The following PLPPR5 variants were observed in gnomAD, a reference collection of about 807,000 sequenced individuals.
The protein encoded by PLPPR5 is phospholipid phosphatase related 5.
PLPPR5 carries 16 observed loss-of-function variants against 33.9 expected under a neutral mutation model. That is an observed-to-expected ratio of 0.47 (90% CI 0.32 to 0.72). The LOEUF (loss-of-function observed/expected upper bound fraction) is 0.72, where lower values mean the gene tolerates loss of function less well. Among genes scored for constraint, PLPPR5 ranks in the 30% least tolerant of loss-of-function variants. PLPPR5 has a pLI of 0.03. For missense variants in PLPPR5, 301 were observed against 406.7 expected (o/e 0.74, Z 2.23); for synonymous variants, 163 against 150.3 (o/e 1.08, Z -0.62).
intron 5 of PLPPR5, 140 bp downstream of exon 5, chr1:98,914,646 T>C (rs947891257): frequency 1.4e-6 from 1 of 718,040 alleles, no homozygotes; most frequent in Non-Finnish European, 2.1e-6. Flanking sequence ...ATTATCTCTT[T>C]AGTGGCTAAA....
intron 5 of PLPPR5, among the ~76,000 whole-genome samples, chr1:98,905,642 A>C: frequency 6.6e-6 from 1 of 152,152 alleles, no homozygotes; most frequent in Admixed American, 6.6e-5. Context: ...TTCTACTTAA[A>C]TTTTATAGTT....
At chr1:98,940,918 GAC>G (rs1184499251) in intron 3 of PLPPR5, among the ~76,000 whole-genome samples, 2 of 151,850 alleles carry the variant, frequency 1.3e-5, no homozygotes, top group Non-Finnish European at 2.9e-5. Flanking sequence ...CAAATCAGAA[GAC>G]ACAAAAGCAG....
At chr1:98,922,107 A>T in intron 3 of PLPPR5, 49 bp from the exon 4 acceptor site, 1 of 1,537,870 alleles carries the variant, frequency 6.5e-7, no homozygotes, top group Non-Finnish European at 9.0e-7. Flanking sequence ...TATTTCCTTT[A>T]TTAGCATAGC....
At chr1:98,991,564 C>T (rs1652452343) in intron 1 of PLPPR5, among the ~76,000 whole-genome samples, 2 of 152,116 alleles carry the variant, frequency 1.3e-5, no homozygotes, top group African/African-American at 4.8e-5. Flanking sequence ...GGCTCATGTC[C>T]ATGTTATATG....
At chr1:98,980,107 C>A (rs1013388569) in intron 1 of PLPPR5, among the ~76,000 whole-genome samples, 1 of 152,052 alleles carries the variant, frequency 6.6e-6, no homozygotes, top group African/African-American at 2.4e-5. Context: ...ATGCTCTAGA[C>A]CCTTTTTCTC....
chr1:98,974,247 C>T (rs973212443), intron 1 of PLPPR5, among the ~76,000 whole-genome samples: 31 of 152,066 alleles, frequency 2.0e-4, no homozygotes, highest in Non-Finnish European at 3.5e-4. Context: ...CAGGGGTCCT[C>T]GATCAGCCAC....
At chr1:98,961,635 G>T (rs928817736) in intron 1 of PLPPR5, among the ~76,000 whole-genome samples, 3 of 152,084 alleles carry the variant, frequency 2.0e-5, no homozygotes, top group Non-Finnish European at 2.9e-5. Flanking sequence ...TTCTTCCTAA[G>T]CTTAGCACAG....
chr1:98,953,403 G>A, intron 2 of PLPPR5, 83 bp from the exon 3 acceptor site: 1 of 1,373,942 alleles, frequency 7.3e-7, no homozygotes, highest in Non-Finnish European at 9.8e-7. Flanking sequence ...GTGAATTTCA[G>A]TTTACAATAA....
At chr1:98,973,238 T>C (rs1651720493) in intron 1 of PLPPR5, among the ~76,000 whole-genome samples, 1 of 152,080 alleles carries the variant, frequency 6.6e-6, no homozygotes, top group South Asian at 2.1e-4. Context: ...TGAAGTACCA[T>C]AGAAGATAAA....
At chr1:98,957,668 G>A (rs1039372537) in intron 1 of PLPPR5, among the ~76,000 whole-genome samples, 1 of 152,068 alleles carries the variant, frequency 6.6e-6, no homozygotes, top group Non-Finnish European at 1.5e-5. Flanking sequence ...CTCCTGTTCT[G>A]AGACATTACT....
intron 1 of PLPPR5, among the ~76,000 whole-genome samples, chr1:98,972,076 C>T (rs1000716450): frequency 6.6e-5 from 10 of 152,006 alleles, no homozygotes; most frequent in Admixed American, 2.0e-4. Flanking sequence ...TGGGCCCAAA[C>T]GAACCCTCAA....
At chr1:99,004,270 A>AC (rs79160508) in intron 1 of PLPPR5, 165 bp downstream of exon 1, 102,400 of 614,898 alleles carry the variant, frequency 0.17, 9,220 homozygotes, top group East Asian at 0.27. Flanking sequence ...CTTCGCACCC[A>AC]CCCTCACGCG....
At chr1:98,901,491 CA>C (rs1394425370) in intron 5 of PLPPR5, among the ~76,000 whole-genome samples, 1 of 152,030 alleles carries the variant, frequency 6.6e-6, no homozygotes, top group Non-Finnish European at 1.5e-5. Flanking sequence ...GCCCACCAGA[CA>C]TAACATGAAG....
chr1:98,988,714 T>C (rs1652345698), intron 1 of PLPPR5, among the ~76,000 whole-genome samples: 1 of 152,130 alleles, frequency 6.6e-6, no homozygotes, highest in Admixed American at 6.6e-5. Flanking sequence ...CTTCATGTAG[T>C]ATACTACTTT....
At chr1:98,900,128 A>C (rs1352194920) in intron 5 of PLPPR5, among the ~76,000 whole-genome samples, 1 of 152,032 alleles carries the variant, frequency 6.6e-6, no homozygotes, top group Non-Finnish European at 1.5e-5. Flanking sequence ...CTGACTACTA[A>C]TTTATCCATC....
At chr1:98,926,732 A>G (rs902263208) in intron 3 of PLPPR5, among the ~76,000 whole-genome samples, 1 of 152,206 alleles carries the variant, frequency 6.6e-6, no homozygotes, top group Non-Finnish European at 1.5e-5. Context: ...CCCAGATTCT[A>G]GTTAGCTACA....
At chr1:98,999,245 C>A (rs941952665) in intron 1 of PLPPR5, among the ~76,000 whole-genome samples, 1 of 152,178 alleles carries the variant, frequency 6.6e-6, no homozygotes, top group African/African-American at 2.4e-5. Flanking sequence ...GGAGCTAACA[C>A]GTATACAGCT....
chr1:98,906,067 T>G (rs1012760133), intron 5 of PLPPR5, among the ~76,000 whole-genome samples: 1 of 152,052 alleles, frequency 6.6e-6, no homozygotes, highest in South Asian at 2.1e-4. Context: ...GTTGTGTTAG[T>G]TTTCACTAGG....
chr1:98,963,229 C>T (rs530138205), intron 1 of PLPPR5, among the ~76,000 whole-genome samples: 2 of 152,238 alleles, frequency 1.3e-5, no homozygotes, highest in East Asian at 3.9e-4. Context: ...TTACATATTG[C>T]CTATTCTATT....
Sources: gnomAD v4.1 joint callset for allele counts (sites outside exome capture counted in the v4.1 genomes callset) on GRCh38, gnomAD v4.1.1 for gene constraint, MANE v1.5 for transcripts, NCBI Gene and HGNC (gene_info 2026-07-23, HGNC 2026-07-21) for gene names.